Variants in KIAA1328 observed in about 807,000 individuals in gnomAD.
KIAA1328 encodes protein hinderin.
Under a neutral mutation model 68.1 loss-of-function variants are expected in KIAA1328, and 52 were observed. The ratio of observed to expected loss-of-function variants is 0.76; its 90% CI spans 0.61 to 0.96. The LOEUF is 0.96. Among genes scored for constraint, KIAA1328 ranks in the 40% least tolerant of loss-of-function variants. The pLI, the probability that KIAA1328 is intolerant of heterozygous loss-of-function variation, is 0.00. For synonymous variants in KIAA1328, 232 were observed against 239.4 expected, an observed-to-expected ratio of 0.97 and a Z score of 0.28; for missense variants, 641 against 677.6, an observed-to-expected ratio of 0.95 and a Z score of 0.60.
intron 6 of KIAA1328, among the ~76,000 whole-genome samples, chr18:36,971,579 A>T (rs1598857294): frequency 6.6e-6 from 1 of 152,200 alleles, no homozygotes; most frequent in Non-Finnish European, 1.5e-5. Flanking sequence ...TGGTGAGCTG[A>T]GATTACACCA....
chr18:37,149,668 C>T (rs1210835130), intron 7 of KIAA1328, among the ~76,000 whole-genome samples: 2 of 152,122 alleles, frequency 1.3e-5, no homozygotes, highest in Admixed American at 6.6e-5. Context: ...ATATTATAAT[C>T]TTGTGGGACC....
intron 6 of KIAA1328, among the ~76,000 whole-genome samples, chr18:37,059,417 G>A (rs1475924642): frequency 2.6e-5 from 4 of 152,078 alleles, no homozygotes; most frequent in African/African-American, 4.8e-5. Flanking sequence ...ACATTTATGT[G>A]ACCAACAAAC....
chr18:36,885,908 G>T lies in KIAA1328; in HGVS notation c.448+236G>T, dbSNP rs546825743. On this transcript the variant is annotated intron_variant, in intron 5 of 9. Transcript: ENST00000280020. Reference sequence around the variant, plus strand: ...ATTTTCGTATTTTTAGTAGAGACGGGGTTTCACCTTGTTGGCCAGGCTGGT... The same window carrying T: ...ATTTTCGTATTTTTAGTAGAGACGGTGTTTCACCTTGTTGGCCAGGCTGGT... 5.5e-4 allele frequency: 250 copies of T among 457,734 alleles called. 1 individual carries two copies. Among genetic ancestry groups the T allele is most frequent in the Non-Finnish European group, 8.0e-4 (210 of 261,738 alleles). The allele number at this position is 457,734 out of a possible 1,614,324, so 28.4% of individuals were successfully genotyped here. A position where few individuals can be genotyped will look rare whatever the true frequency, so the allele number is the denominator to read the frequency against.
At chr18:37,100,634 G>A (rs1479812818) in intron 7 of KIAA1328, among the ~76,000 whole-genome samples, 1 of 152,208 alleles carries the variant, frequency 6.6e-6, no homozygotes, top group Non-Finnish European at 1.5e-5. Flanking sequence ...AACCTCTGCA[G>A]ATTTAAATGT....
intron 8 of KIAA1328, among the ~76,000 whole-genome samples, chr18:37,164,317 C>T (rs2154212213): frequency 6.6e-6 from 1 of 152,236 alleles, no homozygotes; most frequent in East Asian, 1.9e-4. Context: ...AAATAAGGAC[C>T]TACTCAGGTA....
At chr18:36,872,383 T>A (rs1187055057) in intron 4 of KIAA1328, among the ~76,000 whole-genome samples, 1 of 151,926 alleles carries the variant, frequency 6.6e-6, no homozygotes, top group Middle Eastern at 3.2e-3. Context: ...AAGTAGTAGA[T>A]AAATACTGAT....
intron 5 of KIAA1328, among the ~76,000 whole-genome samples, chr18:36,900,080 C>T (rs1265205756): frequency 1.3e-5 from 2 of 151,850 alleles, no homozygotes; most frequent in African/African-American, 2.4e-5. Context: ...GTTATGATTA[C>T]CACTATATAC....
chr18:36,840,096 CT>C (rs1450039631), intron 3 of KIAA1328, among the ~76,000 whole-genome samples: 1 of 152,140 alleles, frequency 6.6e-6, no homozygotes, highest in Non-Finnish European at 1.5e-5. Flanking sequence ...CCAGCTGTAT[CT>C]TTTCAACTCA....
At chr18:36,940,306 G>T (rs1272904379) in intron 5 of KIAA1328, among the ~76,000 whole-genome samples, 1 of 152,174 alleles carries the variant, frequency 6.6e-6, no homozygotes, top group Non-Finnish European at 1.5e-5. Flanking sequence ...CTAGAGTGCG[G>T]CTCAGGATTT....
intron 9 of KIAA1328, among the ~76,000 whole-genome samples, chr18:37,203,085 G>A (rs1181031427): frequency 3.3e-5 from 5 of 149,332 alleles, no homozygotes; most frequent in Admixed American, 2.0e-4. Flanking sequence ...TACTCAAAAG[G>A]TAAACCAAAA....
chr18:37,101,892 C>T (rs2057629873), intron 7 of KIAA1328, among the ~76,000 whole-genome samples: 1 of 152,078 alleles, frequency 6.6e-6, no homozygotes, highest in Non-Finnish European at 1.5e-5. Context: ...ATTTTCAACC[C>T]AGAATTTCAT....
intron 7 of KIAA1328, among the ~76,000 whole-genome samples, chr18:37,072,739 T>A (rs1052052332): frequency 2.6e-5 from 4 of 152,116 alleles, no homozygotes; most frequent in Non-Finnish European, 4.4e-5. Flanking sequence ...TTGCTGCACA[T>A]ACTGACCCAT....
chr18:36,899,145 T>C (rs757394636), intron 5 of KIAA1328, among the ~76,000 whole-genome samples: 4 of 151,912 alleles, frequency 2.6e-5, no homozygotes, highest in Non-Finnish European at 5.9e-5. Flanking sequence ...GCCTTTTATA[T>C]CCCATTGAAT....
At chr18:37,197,011 G>A (rs1425681367) in intron 9 of KIAA1328, among the ~76,000 whole-genome samples, 1 of 151,768 alleles carries the variant, frequency 6.6e-6, no homozygotes, top group East Asian at 1.9e-4. Flanking sequence ...TTTAATCTTG[G>A]CATGTTGTAT....
chr18:37,175,884 G>A (rs1217585279), intron 9 of KIAA1328, among the ~76,000 whole-genome samples: 1 of 152,094 alleles, frequency 6.6e-6, no homozygotes. Flanking sequence ...ACAAGGATGG[G>A]GGTGAGACAG....
intron 7 of KIAA1328, among the ~76,000 whole-genome samples, chr18:37,085,385 G>C (rs1403937013): frequency 1.3e-5 from 2 of 152,130 alleles, no homozygotes; most frequent in African/African-American, 2.4e-5. Flanking sequence ...ATGTAAGTCT[G>C]TTCTTCCTAC....
At position 36,869,753 on chromosome 18, in the gene KIAA1328, A is replaced by AAT. The variant is rs1223165424; in HGVS notation, c.333-15795_333-15794dup. 5.3e-5 allele frequency among the ~76,000 whole-genome samples: 8 copies of AAT among 152,314 alleles called. No individual in the cohort carries two copies. In the East Asian group the frequency reaches 9.6e-4, roughly 18 times the overall value. On this transcript the variant is annotated intron_variant, in intron 4 of 9. Transcript: ENST00000280020. ...AGGGAAGGGAGAAGAGGTAACCAGA[A>AAT]ATATATATATGGCAATTATTTAGGT...
At chr18:36,988,480 T>C (rs2053036006) in intron 6 of KIAA1328, among the ~76,000 whole-genome samples, 1 of 152,238 alleles carries the variant, frequency 6.6e-6, no homozygotes. Flanking sequence ...TATTCTAAGA[T>C]ACAGTTCATA....
chr18:37,225,619 C>T (rs2060630542), downstream of KIAA1328, among the ~76,000 whole-genome samples: 1 of 152,216 alleles, frequency 6.6e-6, no homozygotes, highest in African/African-American at 2.4e-5. Context: ...CTGTAAGTCC[C>T]TTCTCTGTGC....
Sources: allele counts gnomAD v4.1 joint callset (sites outside exome capture counted in the v4.1 genomes callset), GRCh38; gene constraint gnomAD v4.1.1; transcripts MANE v1.5; gene names NCBI Gene and HGNC (gene_info 2026-07-23, HGNC 2026-07-21).